Variants in OR2A12 observed in about 807,000 individuals in gnomAD.
OR2A12 encodes the protein olfactory receptor family 2 subfamily A member 12, also known as olfactory receptor 2A12.
For missense variants in OR2A12, 380 were observed against 372.5 expected (o/e 1.02, Z -0.17); for synonymous variants, 153 against 149.3 (o/e 1.02, Z -0.18).
chr7:144,095,287 C>G lies in OR2A12; in HGVS notation c.180C>G (p.Val60=), dbSNP rs958297004. The G allele has an allele frequency of 1.9e-6, 3 of 1,613,922 alleles. No individual in the cohort carries two copies. In the African/African-American group the frequency reaches 4.0e-5, roughly 22 times the overall value. ...LDSRLHTPMY[V]FLSHLAIVDM... Reference sequence around the variant, plus strand: ...CTAGACTGCACACACCCATGTATGTCTTCCTGTCACACCTGGCCATTGTGG... The same window carrying G: ...CTAGACTGCACACACCCATGTATGTGTTCCTGTCACACCTGGCCATTGTGG... The change falls in exon 2 of 2, where the codon GTC becomes GTG. Residue 60 remains valine (V), a synonymous_variant. Coordinates refer to ENST00000641592, the MANE Select transcript of OR2A12 (RefSeq NM_001004135.2).
intron 1 of OR2A12, among the ~76,000 whole-genome samples, chr7:144,089,937 T>G (rs1182540207): frequency 6.6e-6 from 1 of 152,204 alleles, no homozygotes; most frequent in African/African-American, 2.4e-5. Context: ...CACCTCTGGG[T>G]TCACTTTTGT....
chr7:144,092,916 T>C (rs548033033), intron 1 of OR2A12, among the ~76,000 whole-genome samples: 113 of 152,234 alleles, frequency 7.4e-4, no homozygotes, highest in African/African-American at 2.5e-3. Context: ...ATAAGAGACA[T>C]ACAAGATATG....
chr7:144,094,489 G>A (rs1338423312), intron 1 of OR2A12, among the ~76,000 whole-genome samples: 2 of 152,124 alleles, frequency 1.3e-5, no homozygotes, highest in Non-Finnish European at 2.9e-5. Context: ...TTCCAGACTT[G>A]GAGCATATTA....
intron 1 of OR2A12, among the ~76,000 whole-genome samples, chr7:144,088,123 T>C (rs1323731127): frequency 1.4e-4 from 21 of 152,210 alleles, no homozygotes; most frequent in Non-Finnish European, 4.4e-5. Context: ...GCAATTCTCC[T>C]GCCTCAGCCT....
At chr7:144,093,745 G>A (rs2051242250) in intron 1 of OR2A12, among the ~76,000 whole-genome samples, 1 of 150,314 alleles carries the variant, frequency 6.7e-6, no homozygotes, top group Non-Finnish European at 1.5e-5. Context: ...TTTTGTCCTT[G>A]TGATAGTTTG....
rs1390692028 is a variant in OR2A12, at chr7:144,086,280, A to G, written c.-315A>G. 6.6e-6 allele frequency: 1 copy of G among 152,322 alleles called. No homozygotes were observed. The allele number at this position is 152,322 out of a possible 1,614,324, so 9.4% of individuals were successfully genotyped here. On this transcript the variant is annotated 5_prime_UTR_variant, in exon 1 of 2. An upstream start codon of the reference 5' UTR is lost. Coordinates refer to ENST00000641592, the MANE Select transcript of OR2A12 (RefSeq NM_001004135.2). The stretch of plus-strand genomic sequence containing the variant: ...AAGGTGACTTATCTGTGAAATGTGC[A>G]TGCCAAGATTCTCCTGGGTAGGAAC...
In OR2A12 at chr7:144,097,657, C is replaced by CA. The variant is rs1304209301; in HGVS notation, c.*1623dup. The stretch of plus-strand genomic sequence containing the variant: ...GTGTGGTATTTATACACAGATAGAC[C>CA]AAAAAACAAACAGAATAGAAAGAAA... On this transcript the variant is annotated 3_prime_UTR_variant, in exon 2 of 2. Transcript: ENST00000641592. 1 of 151,868 alleles carries CA rather than the reference C, an allele frequency of 6.6e-6. No individual in the cohort carries two copies. Among genetic ancestry groups the CA allele is most frequent in the Non-Finnish European group, 1.5e-5 (1 of 67,944 alleles). The allele number at this position is 151,868 out of a possible 1,614,324, so 9.4% of individuals were successfully genotyped here.
At chr7:144,091,079 T>A (rs1341077457) in intron 1 of OR2A12, among the ~76,000 whole-genome samples, 2 of 152,240 alleles carry the variant, frequency 1.3e-5, no homozygotes, top group Non-Finnish European at 2.9e-5. Flanking sequence ...AAATGGTAAT[T>A]CTGTTTTTAG....
rs1183945437 is a variant in OR2A12 at position 144,086,416 on chromosome 7, C to T, written c.-179C>T. 6.5e-6 allele frequency: 1 copy of T among 153,034 alleles called. No homozygotes were observed. Among genetic ancestry groups the T allele is most frequent in the African/African-American group, 2.4e-5 (1 of 41,460 alleles). The allele number at this position is 153,034 out of a possible 1,614,324, so 9.5% of individuals were successfully genotyped here. ...CATACACACCTGCCCCACACCTACA[C>T]ACGCTGACACTCATACGAATAACAA... On this transcript the variant is annotated 5_prime_UTR_variant, in exon 1 of 2. Coordinates refer to ENST00000641592, the MANE Select transcript of OR2A12 (RefSeq NM_001004135.2).
Position 144,096,569 on chromosome 7 carries a change from T to A in OR2A12, c.*529T>A, listed in dbSNP as rs950931463. On this transcript the variant is annotated 3_prime_UTR_variant, in exon 2 of 2. Transcript: ENST00000641592. ...GAAACAGAAAATCACAATCTAATCC[T>A]ACTCATGAACATAGATGCAAACCTC... The A allele has an allele frequency of 6.6e-6, 1 of 152,584 alleles. No individual in the cohort carries two copies. Among genetic ancestry groups the A allele is most frequent in the African/African-American group, 2.4e-5 (1 of 41,416 alleles). The allele number at this position is 152,584 out of a possible 1,614,324, so 9.5% of individuals were successfully genotyped here.
Position 144,098,835 on chromosome 7 carries a change from C to G in OR2A12, c.*2795C>G, listed in dbSNP as rs2128803687. 6.6e-6 allele frequency: 1 copy of G among 152,242 alleles called. No individual in the cohort carries two copies. The highest frequency in any genetic ancestry group is 3.4e-3 in the Middle Eastern group (1 of 298). 9.4% of individuals were successfully genotyped at this position (152,242 alleles called of 1,614,324 possible). ...GATTCAAGACAAAAGATAAACATAT[C>G]TCCCTTCTACCACCAGGAAGGAAAG... On this transcript the variant is annotated 3_prime_UTR_variant, in exon 2 of 2. Coordinates refer to ENST00000641592, the MANE Select transcript of OR2A12 (RefSeq NM_001004135.2).
chr7:144,086,669 G>A (rs961394747), intron 1 of OR2A12, 126 bp downstream of exon 1: 2 of 152,144 alleles, frequency 1.3e-5, no homozygotes, highest in Admixed American at 6.5e-5. Context: ...GGGACTCATC[G>A]TCTACCCAAC....
intron 1 of OR2A12, among the ~76,000 whole-genome samples, chr7:144,093,887 T>A (rs2051243322): frequency 6.6e-6 from 1 of 151,912 alleles, no homozygotes; most frequent in Non-Finnish European, 1.5e-5. Context: ...TTGTTGGACA[T>A]TTGGGTTGGT....
chr7:144,095,200 G>A lies in OR2A12; in HGVS notation c.93G>A (p.Leu31=). The part of the protein sequence containing the change: ...ALELFLFGFF[L]LFYSLTLMGN... ...AGTTGTTCCTCTTTGGGTTTTTCTT[G>A]CTATTCTACAGCTTAACCCTGATGG... The change falls in exon 2 of 2, where the codon TTG becomes TTA. Residue 31 remains leucine (L), a synonymous_variant. Coordinates refer to ENST00000641592, the MANE Select transcript of OR2A12 (RefSeq NM_001004135.2). 6.2e-7 allele frequency: 1 copy of A among 1,613,910 alleles called. No homozygotes were observed. Among genetic ancestry groups the A allele is most frequent in the Non-Finnish European group, 8.5e-7 (1 of 1,179,912 alleles).
chr7:144,095,164 C>A lies in OR2A12; in HGVS notation c.57C>A (p.Asp19Glu). ...TEVILLGFQV[D>E]PALELFLFGF... The stretch of plus-strand genomic sequence containing the variant: ...TCATCCTGTTGGGATTCCAGGTGGA[C>A]CCAGCTCTGGAGTTGTTCCTCTTTG... The change falls in exon 2 of 2, where the codon GAC (aspartate) becomes GAA (glutamate). Residue 19 changes from aspartate (D) to glutamate (E), a missense_variant. Asp to Glu is a conservative substitution (Grantham distance 45, BLOSUM62 2). Coordinates refer to ENST00000641592, the MANE Select transcript of OR2A12 (RefSeq NM_001004135.2). The A allele has an allele frequency of 6.2e-7, 1 of 1,613,686 alleles. No individual in the cohort carries two copies. The highest frequency in any genetic ancestry group is 8.5e-7 in the Non-Finnish European group (1 of 1,179,762).
Position 144,098,600 on chromosome 7 carries a change from C to G in OR2A12, c.*2560C>G, listed in dbSNP as rs1342906222. 1.3e-5 allele frequency: 2 copies of G among 152,174 alleles called. No homozygotes were observed. Among genetic ancestry groups the G allele is most frequent in the Non-Finnish European group, 2.9e-5 (2 of 68,028 alleles). 9.4% of individuals were successfully genotyped at this position (152,174 alleles called of 1,614,324 possible). ...GAGTTTAAAAAAATAGGTTCTCTGGCTCCAGAGCTGGTATTCTTTTATTGT... is the reference window on the plus strand; with the variant it reads ...GAGTTTAAAAAAATAGGTTCTCTGGGTCCAGAGCTGGTATTCTTTTATTGT... On this transcript the variant is annotated 3_prime_UTR_variant, in exon 2 of 2. Coordinates refer to ENST00000641592, the MANE Select transcript of OR2A12 (RefSeq NM_001004135.2).
rs572383547 is a variant in OR2A12 at position 144,094,304 on chromosome 7, C to T, written c.-51-753C>T. ...GGTTCTGTTGATCAAATTATAGAGC[C>T]GGCAAGCATATTGACTTCTTGAAAG... On this transcript the variant is annotated intron_variant, in intron 1 of 1. Transcript: ENST00000641592. Among the ~76,000 whole-genome samples the T allele has an allele frequency of 3.1e-3, 465 of 152,184 alleles. 1 individual carries two copies. Among genetic ancestry groups the T allele is most frequent in the African/African-American group, 0.011 (440 of 41,508 alleles).
At position 144,095,707 on chromosome 7, in the gene OR2A12, G is replaced by A. The variant is rs781479320; in HGVS notation, c.600G>A (p.Ala200=). Residue 200 remains alanine, a synonymous_variant, in exon 2 of 2, where the codon GCG becomes GCA. Transcript: ENST00000641592. The stretch of plus-strand genomic sequence containing the variant: ...GGCTCAACCAGGTGGTCCTATTTGC[G>A]GGTTCTGCGTTCATCTTAGTGGGGC... The part of the protein sequence containing the change: ...DTRLNQVVLF[A]GSAFILVGPL... 4.6e-5 allele frequency: 74 copies of A among 1,613,974 alleles called. No individual in the cohort carries two copies. Among genetic ancestry groups the A allele is most frequent in the African/African-American group, 5.3e-5 (4 of 74,890 alleles).
At position 144,095,258 on chromosome 7, in the gene OR2A12, G is replaced by T. The variant is rs1417086644; in HGVS notation, c.151G>T (p.Asp51Tyr). Reference protein sequence around the residue: ...NGIILGLIYLDSRLHTPMYVF... With the variant: ...NGIILGLIYLYSRLHTPMYVF... ...GATTATCCTGGGGCTCATCTACTTG[G>T]ACTCTAGACTGCACACACCCATGTA... Residue 51 changes from aspartate to tyrosine, a missense_variant, in exon 2 of 2, where the codon GAC becomes TAC. Transcript: ENST00000641592. The T allele has an allele frequency of 6.2e-7, 1 of 1,613,990 alleles. No individual in the cohort carries two copies. Among genetic ancestry groups the T allele is most frequent in the Non-Finnish European group, 8.5e-7 (1 of 1,179,992 alleles).
Sources: allele counts gnomAD v4.1 joint callset (sites outside exome capture counted in the v4.1 genomes callset), GRCh38; gene constraint gnomAD v4.1.1; transcripts MANE v1.5; gene names NCBI Gene and HGNC (gene_info 2026-07-23, HGNC 2026-07-21).